The following CSMD1 variants were observed in gnomAD, a reference collection of about 807,000 sequenced individuals.
CSMD1 encodes CUB and Sushi multiple domains 1, also known as CUB and sushi domain-containing protein 1.
Under a neutral mutation model 417.5 loss-of-function variants are expected in CSMD1, and 213 were observed. The ratio of observed to expected loss-of-function variants is 0.51; its 90% CI spans 0.46 to 0.57. The LOEUF (loss-of-function observed/expected upper bound fraction) is 0.57. Ranked by LOEUF, CSMD1 falls within the 20% of genes least tolerant of loss-of-function variation. The probability of loss-of-function intolerance (pLI) is 0.00; values close to 1 mark genes in which losing one functional copy is unlikely to be tolerated. For synonymous variants in CSMD1, 2,862 were observed against 1,736.8 expected, an observed-to-expected ratio of 1.65 and a Z score of -16.11; for missense variants, 6,923 against 4,529.7, an observed-to-expected ratio of 1.53 and a Z score of -15.17.
rs144982756 is a variant in CSMD1 at position 4,101,033 on chromosome 8, C to T, written c.416-68934G>A. ...TCCCAATCCACGCAGCCTGTGATTG[C>T]AGAATGATGCAAAGGCAGATGATGC... On this transcript the variant is annotated intron_variant, in intron 3 of 69. Coordinates refer to ENST00000635120, the MANE Select transcript of CSMD1 (RefSeq NM_033225.6). Among the ~76,000 whole-genome samples the T allele has an allele frequency of 3.3e-5, 5 of 152,252 alleles. 1 individual carries two copies. In the East Asian group the frequency reaches 9.7e-4, roughly 29 times the overall value.
intron 5 of CSMD1, among the ~76,000 whole-genome samples, chr8:3,785,364 C>T (rs1164461781): frequency 6.6e-6 from 1 of 152,230 alleles, no homozygotes; most frequent in East Asian, 1.9e-4. Context: ...GGAACCATTT[C>T]TTTTTTCATT....
chr8:4,507,592 A>G (rs1469349129), intron 2 of CSMD1, among the ~76,000 whole-genome samples: 1 of 152,204 alleles, frequency 6.6e-6, no homozygotes, highest in Non-Finnish European at 1.5e-5. Flanking sequence ...GGCTTATATA[A>G]TGGGCCATTG....
chr8:3,947,535 A>G (rs773889647), intron 5 of CSMD1, among the ~76,000 whole-genome samples: 1 of 152,208 alleles, frequency 6.6e-6, no homozygotes, highest in Non-Finnish European at 1.5e-5. Context: ...ACTCTTCTAC[A>G]TAACCCACGG....
At chr8:4,661,922 T>C (rs1286333291) in intron 1 of CSMD1, among the ~76,000 whole-genome samples, 1 of 152,188 alleles carries the variant, frequency 6.6e-6, no homozygotes, top group Non-Finnish European at 1.5e-5. Flanking sequence ...TCAGTATCTT[T>C]TAATAGGATT....
intron 1 of CSMD1, among the ~76,000 whole-genome samples, chr8:4,737,296 G>A (rs1049688706): frequency 6.6e-6 from 1 of 152,040 alleles, no homozygotes; most frequent in Non-Finnish European, 1.5e-5. Context: ...AAGAACACAT[G>A]GAGACATGGG....
At chr8:3,185,800 C>G (rs1347107821) in intron 36 of CSMD1, among the ~76,000 whole-genome samples, 2 of 152,174 alleles carry the variant, frequency 1.3e-5, no homozygotes, top group Admixed American at 6.5e-5. Flanking sequence ...GTGCATGACA[C>G]TCAGAGATTA....
chr8:4,278,822 G>T (rs1037917752), intron 3 of CSMD1, among the ~76,000 whole-genome samples: 2 of 152,112 alleles, frequency 1.3e-5, no homozygotes, highest in Admixed American at 6.5e-5. Context: ...TTGGCTCTTG[G>T]AGTATTTATA....
At chr8:4,645,128 CT>C (rs1321855619) in intron 1 of CSMD1, among the ~76,000 whole-genome samples, 2 of 152,152 alleles carry the variant, frequency 1.3e-5, no homozygotes, top group African/African-American at 4.8e-5. Context: ...TCCTTAAATA[CT>C]CCCTGCTTTA....
At chr8:4,185,581 T>C (rs913371814) in intron 3 of CSMD1, among the ~76,000 whole-genome samples, 2 of 152,170 alleles carry the variant, frequency 1.3e-5, no homozygotes, top group African/African-American at 2.4e-5. Context: ...AAAAGTATCC[T>C]ACCTATCTAG....
intron 5 of CSMD1, among the ~76,000 whole-genome samples, chr8:3,885,920 A>C (rs767130729): frequency 2.0e-5 from 3 of 152,180 alleles, no homozygotes; most frequent in Non-Finnish European, 4.4e-5. Flanking sequence ...TCTGTGAATA[A>C]ATATAAATTG....
chr8:3,684,035 G>A (rs1021319274), intron 7 of CSMD1, among the ~76,000 whole-genome samples: 1 of 149,844 alleles, frequency 6.7e-6, no homozygotes, highest in African/African-American at 2.5e-5. Context: ...CAAAGAGACA[G>A]TCTTTCTATT....
chr8:3,689,354 C>G (rs967040467), intron 7 of CSMD1, among the ~76,000 whole-genome samples: 1 of 152,174 alleles, frequency 6.6e-6, no homozygotes, highest in African/African-American at 2.4e-5. Context: ...TCCCCTCATA[C>G]CACCCTTGCT....
Position 4,579,792 on chromosome 8 carries a change from T to C in CSMD1, c.302+57550A>G, listed in dbSNP as rs79981828. ...TGAATTTCCAATTTTATTTCCATTA[T>C]TGGCTTACTTGTGTTCCATGTTTCT... On this transcript the variant is annotated intron_variant, in intron 2 of 69. Coordinates refer to ENST00000635120, the MANE Select transcript of CSMD1 (RefSeq NM_033225.6). 9.3e-3 allele frequency among the ~76,000 whole-genome samples: 1,412 copies of C among 152,320 alleles called. 45 individuals carry two copies. In the East Asian group the frequency reaches 0.12, roughly 13 times the overall value.
chr8:4,981,381 G>A (rs748946450), intron 1 of CSMD1, among the ~76,000 whole-genome samples: 1 of 152,178 alleles, frequency 6.6e-6, no homozygotes, highest in African/African-American at 2.4e-5. Context: ...TTGACTGATA[G>A]GACCGAATTA....
At chr8:4,780,828 T>C (rs1005604169) in intron 1 of CSMD1, among the ~76,000 whole-genome samples, 2 of 152,322 alleles carry the variant, frequency 1.3e-5, no homozygotes, top group Admixed American at 6.5e-5. Context: ...TGTTTGGTTT[T>C]CCGTTCCTCA....
At chr8:4,580,914 G>C (rs17344544) in intron 2 of CSMD1, among the ~76,000 whole-genome samples, 2 of 152,016 alleles carry the variant, frequency 1.3e-5, no homozygotes, top group African/African-American at 4.8e-5. Flanking sequence ...TGACATCATC[G>C]GAAGTTCAAT....
At chr8:4,914,609 G>C (rs991927655) in intron 1 of CSMD1, among the ~76,000 whole-genome samples, 2 of 149,704 alleles carry the variant, frequency 1.3e-5, no homozygotes, top group Non-Finnish European at 3.0e-5. Context: ...AAAAATAGAA[G>C]ATAGAAATAT....
At chr8:3,527,842 T>A (rs574558600) in intron 10 of CSMD1, among the ~76,000 whole-genome samples, 3 of 152,320 alleles carry the variant, frequency 2.0e-5, no homozygotes, top group African/African-American at 7.2e-5. Context: ...TGTGCATCTC[T>A]TAACAGAGAG....
intron 1 of CSMD1, among the ~76,000 whole-genome samples, chr8:4,979,406 TGAG>T (rs951382913): frequency 1.3e-5 from 2 of 152,236 alleles, no homozygotes; most frequent in African/African-American, 4.8e-5. Flanking sequence ...GGCCACACTA[TGAG>T]GAGGAGAGAC....
Sources: gnomAD v4.1 joint callset for allele counts (sites outside exome capture counted in the v4.1 genomes callset) on GRCh38, gnomAD v4.1.1 for gene constraint, MANE v1.5 for transcripts, NCBI Gene and HGNC (gene_info 2026-07-23, HGNC 2026-07-21) for gene names.